KCNN2: variants seen among roughly 807,000 people sequenced by gnomAD.
KCNN2 encodes the protein potassium calcium-activated channel subfamily N member 2.
In KCNN2, 24 loss-of-function variants were observed where a neutral mutation model predicts 55.5. That is an observed-to-expected ratio of 0.43 (90% CI 0.31 to 0.61). KCNN2 has a LOEUF of 0.61. KCNN2 is among the 20% of genes least tolerant of loss of function. The pLI is 0.08. For synonymous variants in KCNN2, 431 were observed against 336.1 expected (o/e 1.28, Z -3.09); for missense variants, 754 against 853.6 (o/e 0.88, Z 1.45).
intron 2 of KCNN2, among the ~76,000 whole-genome samples, chr5:114,222,591 A>G (rs976003581): frequency 6.6e-6 from 1 of 152,186 alleles, no homozygotes; most frequent in Admixed American, 6.5e-5. Flanking sequence ...GAACTGTACT[A>G]TATTATCGGA....
intron 3 of KCNN2, among the ~76,000 whole-genome samples, chr5:114,460,847 G>A (rs1308000057): frequency 6.6e-6 from 1 of 152,152 alleles, no homozygotes; most frequent in Non-Finnish European, 1.5e-5. Context: ...GCTCTTAAGT[G>A]TATCACATCA....
At position 114,486,671 on chromosome 5, in the gene KCNN2, G is replaced by A. The variant is rs766897053; in HGVS notation, c.1891-379G>A. On this transcript the variant is annotated intron_variant, in intron 5 of 7. Coordinates refer to ENST00000673685, the MANE Select transcript of KCNN2 (RefSeq NM_021614.4). ...CTTGCAAAGGACAAGATTAACCTTG[G>A]CCTCATGGTATTTTGTCTTTCTGCA... 5.1e-5 allele frequency: 57 copies of A among 1,117,992 alleles called. 1 individual carries two copies. In the South Asian group the frequency reaches 7.1e-4, roughly 14 times the overall value. 69.3% of individuals were successfully genotyped at this position (1,117,992 alleles called of 1,614,324 possible).
intron 1 of KCNN2, among the ~76,000 whole-genome samples, chr5:114,085,857 C>T (rs10072602): frequency 0.44 from 66,454 of 151,766 alleles, 14,837 homozygotes; most frequent in East Asian, 0.66. Context: ...TTATGTTATC[C>T]GTTCCTTTTT....
intron 1 of KCNN2, among the ~76,000 whole-genome samples, chr5:114,090,656 T>C (rs933989921): frequency 1.3e-5 from 2 of 152,030 alleles, no homozygotes; most frequent in Non-Finnish European, 2.9e-5. Context: ...TATATTTAAA[T>C]TGAAGAAAGA....
At chr5:114,082,458 T>C (rs1317073917) in intron 1 of KCNN2, among the ~76,000 whole-genome samples, 1 of 152,128 alleles carries the variant, frequency 6.6e-6, no homozygotes, top group Non-Finnish European at 1.5e-5. Flanking sequence ...ACATAGATGT[T>C]GAGAAATAGG....
chr5:114,318,736 A>T (rs1184075004), intron 2 of KCNN2, among the ~76,000 whole-genome samples: 1 of 152,066 alleles, frequency 6.6e-6, no homozygotes, highest in Non-Finnish European at 1.5e-5. Context: ...CTAAATTTAT[A>T]CACTGTGGGT....
chr5:114,326,681 T>C (rs566738873), intron 2 of KCNN2, among the ~76,000 whole-genome samples: 1 of 152,332 alleles, frequency 6.6e-6, no homozygotes, highest in African/African-American at 2.4e-5. Context: ...CTTCATAGAC[T>C]TCTGGACACA....
chr5:114,325,020 T>C (rs916766892), intron 2 of KCNN2, among the ~76,000 whole-genome samples: 2 of 152,194 alleles, frequency 1.3e-5, no homozygotes, highest in African/African-American at 4.8e-5. Context: ...AAGGAACTTG[T>C]TATTGCAAGC....
At chr5:114,371,482 G>C (rs1411234049) in intron 2 of KCNN2, among the ~76,000 whole-genome samples, 2 of 152,020 alleles carry the variant, frequency 1.3e-5, no homozygotes, top group African/African-American at 2.4e-5. Flanking sequence ...TTTTAAGGAG[G>C]GCATAGCACT....
At chr5:114,439,684 C>G (rs1052128701) in intron 3 of KCNN2, among the ~76,000 whole-genome samples, 5 of 152,116 alleles carry the variant, frequency 3.3e-5, no homozygotes, top group Admixed American at 1.3e-4. Flanking sequence ...TAGAACTTGA[C>G]AGCATATTTC....
rs1462417337 is a variant in KCNN2 at position 114,436,426 on chromosome 5, C to T, written c.1638-26623C>T. Among the ~76,000 whole-genome samples, 5 of 152,176 alleles carry T rather than the reference C, an allele frequency of 3.3e-5. No homozygotes were observed. The East Asian group carries it at 9.7e-4, about 29-fold the overall frequency. On this transcript the variant is annotated intron_variant, in intron 3 of 7. Coordinates refer to ENST00000673685, the MANE Select transcript of KCNN2 (RefSeq NM_021614.4). The stretch of plus-strand genomic sequence containing the variant: ...TCATTAAATGATCGTAAAATTAGAG[C>T]AACAAATGCCTCAGATTAAACAATC...
Position 114,362,556 on chromosome 5 carries a change from C to T in KCNN2, c.417C>T (p.Leu139=), listed in dbSNP as rs900455649. ...CGCCGTCCAGCCATGCCAGTGCGCT[C>T]CGGCAGCAGTACGCGCAGCAGTCCG... The part of the protein sequence containing the change: ...ELTPSSHASA[L]RQQYAQQSAQ... The change falls in exon 1 of 8, where the codon CTC becomes CTT. Residue 139 remains leucine, a synonymous_variant. Transcript: ENST00000673685. The T allele has an allele frequency of 4.9e-6, 3 of 612,586 alleles. No individual in the cohort carries two copies. The highest frequency in any genetic ancestry group is 3.2e-5 in the East Asian group (1 of 31,270). 37.9% of individuals were successfully genotyped at this position (612,586 alleles called of 1,614,324 possible).
intron 6 of KCNN2, among the ~76,000 whole-genome samples, chr5:114,490,060 C>A (rs1747772593): frequency 6.6e-6 from 1 of 152,140 alleles, no homozygotes; most frequent in Non-Finnish European, 1.5e-5. Flanking sequence ...CAGTAATTGT[C>A]TTTTTAGATT....
chr5:114,400,162 G>A (rs1385241689), intron 2 of KCNN2, among the ~76,000 whole-genome samples: 1 of 151,728 alleles, frequency 6.6e-6, no homozygotes, highest in Non-Finnish European at 1.5e-5. Context: ...TTAGCTTTTG[G>A]GTTGGTTTGC....
intron 1 of KCNN2, among the ~76,000 whole-genome samples, chr5:114,118,417 C>G (rs942988036): frequency 5.3e-5 from 8 of 152,060 alleles, no homozygotes; most frequent in Admixed American, 2.0e-4. Flanking sequence ...GTTGGAGACC[C>G]GGGAAAGCCA....
rs114879175 is a variant in KCNN2, at chr5:114,234,033, T to A, written c.-185+12468T>A. Among the ~76,000 whole-genome samples, 499 of 152,162 alleles carry A rather than the reference T, an allele frequency of 3.3e-3. 1 individual carries two copies. Among genetic ancestry groups the A allele is most frequent in the South Asian group, 9.3e-3 (45 of 4,828 alleles). On this transcript the variant is annotated intron_variant, in intron 2 of 10. Transcript: ENST00000512097. ...ATTTTAACTTGGCTCTAGCTTTTTT[T>A]TTTTGGTTAGCAATTCATCCTTATA...
intron 2 of KCNN2, among the ~76,000 whole-genome samples, chr5:114,393,236 T>C (rs1273487789): frequency 3.9e-5 from 6 of 152,138 alleles, no homozygotes; most frequent in Non-Finnish European, 4.4e-5. Context: ...AAAGAGAGCT[T>C]GGTTTTATTG....
intron 1 of KCNN2, among the ~76,000 whole-genome samples, chr5:114,131,872 A>G (rs1006517054): frequency 2.6e-5 from 4 of 152,186 alleles, no homozygotes; most frequent in Non-Finnish European, 5.9e-5. Context: ...CATTTCTCTA[A>G]TGATCAGTGA....
chr5:114,475,090 G>C (rs1346796448), intron 5 of KCNN2, among the ~76,000 whole-genome samples: 2 of 152,076 alleles, frequency 1.3e-5, no homozygotes, highest in Admixed American at 6.5e-5. Context: ...CAAAGAGTTA[G>C]AAAAGACAAA....
Sources: allele counts gnomAD v4.1 joint callset (sites outside exome capture counted in the v4.1 genomes callset), GRCh38; gene constraint gnomAD v4.1.1; transcripts MANE v1.5; gene names NCBI Gene and HGNC (gene_info 2026-07-23, HGNC 2026-07-21).